ARHGAP32: variants seen among roughly 807,000 people sequenced by gnomAD.
ARHGAP32 encodes the protein rho GTPase-activating protein 32.
ARHGAP32 carries 51 observed loss-of-function variants against 186.5 expected under a neutral mutation model. The observed-to-expected ratio is 0.27, with a 90% CI of 0.22 to 0.35. The LOEUF (loss-of-function observed/expected upper bound fraction) is 0.35. ARHGAP32 is among the 10% of genes least tolerant of loss of function. The probability of loss-of-function intolerance (pLI) is 1.00; values close to 1 mark genes in which losing one functional copy is unlikely to be tolerated. For synonymous variants in ARHGAP32, 950 were observed against 964.3 expected (o/e 0.99, Z 0.27); for missense variants, 2,186 against 2,623.5 (o/e 0.83, Z 3.64).
At chr11:129,117,677 T>A (rs932986544) in intron 5 of ARHGAP32, among the ~76,000 whole-genome samples, 1 of 151,988 alleles carries the variant, frequency 6.6e-6, no homozygotes, top group Non-Finnish European at 1.5e-5. Flanking sequence ...AACTTAATGT[T>A]TTGTATGAAA....
At chr11:129,235,216 G>A (rs1265757554) in intron 1 of ARHGAP32, among the ~76,000 whole-genome samples, 3 of 152,034 alleles carry the variant, frequency 2.0e-5, no homozygotes, top group African/African-American at 7.2e-5. Flanking sequence ...CAAGTTTGTG[G>A]TCACCTGTTA....
chr11:129,177,952 C>A (rs1201971104), intron 1 of ARHGAP32, among the ~76,000 whole-genome samples: 1 of 151,908 alleles, frequency 6.6e-6, no homozygotes, highest in Non-Finnish European at 1.5e-5. Flanking sequence ...GGCAATTAGG[C>A]AGGAGAAGGA....
intron 5 of ARHGAP32, among the ~76,000 whole-genome samples, chr11:129,095,747 C>T (rs1170753919): frequency 5.3e-5 from 8 of 152,136 alleles, no homozygotes; most frequent in Admixed American, 5.2e-4. Context: ...GAGTGCTCTC[C>T]AGAGGCACAA....
intron 10 of ARHGAP32, among the ~76,000 whole-genome samples, chr11:129,058,987 G>T (rs1329827783): frequency 6.6e-6 from 1 of 152,116 alleles, no homozygotes; most frequent in African/African-American, 2.4e-5. Flanking sequence ...AACATAACAC[G>T]CAGTAACAGC....
At chr11:128,971,197 T>C (rs1222608094) in intron 22 of ARHGAP32, 38 bp from the exon 23 acceptor site, 4 of 1,529,446 alleles carry the variant, frequency 2.6e-6, no homozygotes, top group Admixed American at 3.7e-5. Context: ...CTATTTTTTG[T>C]TCCCTCTATG....
intron 19 of ARHGAP32, 21 bp from the exon 20 acceptor site, chr11:128,976,655 A>G: frequency 1.3e-6 from 2 of 1,598,968 alleles, no homozygotes. Flanking sequence ...AAAAACACAT[A>G]GTGTGAAGAT....
chr11:129,181,924 T>A (rs1230602162), intron 1 of ARHGAP32, among the ~76,000 whole-genome samples: 1 of 152,150 alleles, frequency 6.6e-6, no homozygotes, highest in Admixed American at 6.6e-5. Flanking sequence ...TAAACTTTAT[T>A]ACTATAGCTG....
intron 6 of ARHGAP32, among the ~76,000 whole-genome samples, chr11:129,069,443 A>G (rs949647848): frequency 2.0e-5 from 3 of 152,094 alleles, no homozygotes; most frequent in African/African-American, 7.2e-5. Context: ...CAAGGTTTCC[A>G]AACAAATTCT....
At chr11:129,134,432 A>C (rs1324433415) in intron 2 of ARHGAP32, among the ~76,000 whole-genome samples, 1 of 152,198 alleles carries the variant, frequency 6.6e-6, no homozygotes, top group African/African-American at 2.4e-5. Context: ...GCACATGTGA[A>C]ATTTGAAGAA....
intron 1 of ARHGAP32, among the ~76,000 whole-genome samples, chr11:129,172,390 T>G (rs1166116230): frequency 2.6e-5 from 4 of 152,252 alleles, no homozygotes; most frequent in African/African-American, 9.6e-5. Flanking sequence ...GGATGTTGAA[T>G]TTTATCAAAG....
chr11:129,163,333 T>G (rs1943567964), intron 2 of ARHGAP32, among the ~76,000 whole-genome samples: 1 of 152,134 alleles, frequency 6.6e-6, no homozygotes, highest in African/African-American at 2.4e-5. Flanking sequence ...AAAGAAGAAT[T>G]TCTTCATTCT....
rs34232507 is a variant in ARHGAP32, at chr11:128,969,183, G to C, written c.6030C>G (p.Asn2010Lys). Reference sequence around the variant, plus strand: ...ACAGCACACTGGGGTCCCTCTCCACGTTCTGGGTATGATGGAGTTTGAGGC... The same window carrying C: ...ACAGCACACTGGGGTCCCTCTCCACCTTCTGGGTATGATGGAGTTTGAGGC... ...SHSLKLHHTQNVERDPSVLYQ... is the reference protein window; with the variant it reads ...SHSLKLHHTQKVERDPSVLYQ... The change falls in exon 23 of 23, where the codon AAC becomes AAG. Residue 2010 changes from asparagine (N) to lysine (K), a missense_variant. Asn to Lys is a moderately conservative substitution (Grantham distance 94). Coordinates refer to ENST00000682385, the MANE Select transcript of ARHGAP32 (RefSeq NM_001378024.1). This position sits in a 1 kb window ranked among gnomAD's most constrained non-coding sequence, Gnocchi z 4.8. 1.2e-6 allele frequency: 2 copies of C among 1,613,574 alleles called. No individual in the cohort carries two copies. Among genetic ancestry groups the C allele is most frequent in the Non-Finnish European group, 1.7e-6 (2 of 1,179,776 alleles).
At chr11:129,037,231 T>A (rs1157735534) in intron 11 of ARHGAP32, among the ~76,000 whole-genome samples, 4 of 152,248 alleles carry the variant, frequency 2.6e-5, no homozygotes, top group African/African-American at 9.6e-5. Context: ...GCCTAGTGGC[T>A]CATGCCTATA....
At chr11:128,981,585 C>T in intron 16 of ARHGAP32, 24 bp from the exon 17 acceptor site, 2 of 1,598,380 alleles carry the variant, frequency 1.3e-6, no homozygotes, top group Non-Finnish European at 1.7e-6. Flanking sequence ...ATTTTCATCA[C>T]AGAGTTGTAA....
intron 2 of ARHGAP32, among the ~76,000 whole-genome samples, chr11:129,162,742 AT>A (rs1447873053): frequency 2.0e-5 from 3 of 152,174 alleles, no homozygotes; most frequent in Non-Finnish European, 4.4e-5. Flanking sequence ...GGTGAACTTA[AT>A]GTACAATTAC....
At chr11:129,082,508 C>T (rs897164893) in intron 6 of ARHGAP32, among the ~76,000 whole-genome samples, 2 of 152,074 alleles carry the variant, frequency 1.3e-5, no homozygotes, top group African/African-American at 4.8e-5. Flanking sequence ...AAAGGACACC[C>T]TATTCAACAA....
intron 5 of ARHGAP32, among the ~76,000 whole-genome samples, chr11:129,111,477 T>C (rs895703646): frequency 1.3e-5 from 2 of 152,208 alleles, no homozygotes; most frequent in African/African-American, 4.8e-5. Flanking sequence ...GAGAGTGATG[T>C]TAGTTCTTTG....
chr11:128,980,529 A>G (rs1278858660), intron 18 of ARHGAP32, 24 bp downstream of exon 18: 8 of 1,571,830 alleles, frequency 5.1e-6, no homozygotes, highest in Non-Finnish European at 6.1e-6. Flanking sequence ...ATCATATCCC[A>G]AAATAGGATT....
chr11:129,181,068 G>T (rs1176945646), intron 1 of ARHGAP32, among the ~76,000 whole-genome samples: 9 of 152,040 alleles, frequency 5.9e-5, no homozygotes, highest in Non-Finnish European at 2.9e-5. Flanking sequence ...CTCAGGGACT[G>T]TTCACTCCCA....
Sources: allele counts gnomAD v4.1 joint callset (sites outside exome capture counted in the v4.1 genomes callset), GRCh38; gene constraint gnomAD v4.1.1; non-coding constraint Gnocchi (gnomAD v3.1); transcripts MANE v1.5; gene names NCBI Gene and HGNC (gene_info 2026-07-23, HGNC 2026-07-21).